The following SRP19 variants were observed in gnomAD, a reference collection of about 807,000 sequenced individuals.
SRP19 encodes signal recognition particle 19.
In SRP19, 11 loss-of-function variants were observed where a neutral mutation model predicts 22.4. The ratio of observed to expected loss-of-function variants is 0.49; its 90% CI spans 0.31 to 0.81. SRP19 has a LOEUF of 0.81. SRP19 is among the 40% of genes least tolerant of loss of function. The pLI is 0.05. For missense variants in SRP19, 168 were observed against 175.9 expected, an observed-to-expected ratio of 0.96 and a Z score of 0.25; for synonymous variants, 61 against 57.6, an observed-to-expected ratio of 1.06 and a Z score of -0.27.
chr5:112,895,037 G>C (rs1768636040), downstream of SRP19: 1 of 151,384 alleles, frequency 6.6e-6, no homozygotes, highest in African/African-American at 2.4e-5. Flanking sequence ...AGGAGTTCGA[G>C]ACCATCCTGG....
downstream of SRP19, chr5:112,895,242 A>AAAAAAAAAAAAAC: frequency 6.6e-6 from 1 of 150,486 alleles, no homozygotes; most frequent in Non-Finnish European, 1.5e-5. Context: ...TGTCTCAAAA[A>AAAAAAAAAAAAAC]AAAAAAAAAA....
At chr5:112,864,909 C>T (rs924829378) in intron 4 of SRP19, 177 bp downstream of exon 4, 10 of 432,614 alleles carry the variant, frequency 2.3e-5, no homozygotes, top group Non-Finnish European at 3.6e-5. Context: ...GGTGAATGAC[C>T]TCTTTGAAAA....
Position 112,867,555 on chromosome 5 carries a change from G to T in SRP19, c.*18G>T. 6.3e-7 allele frequency: 1 copy of T among 1,597,664 alleles called. No individual in the cohort carries two copies. Among genetic ancestry groups the T allele is most frequent in the South Asian group, 1.1e-5 (1 of 89,478 alleles). On this transcript the variant is annotated 3_prime_UTR_variant, in exon 5 of 5. Coordinates refer to ENST00000505459, the MANE Select transcript of SRP19 (RefSeq NM_003135.3). ...AGAAGTAACCTAGTATCAGCATCAA[G>T]TATGTGGTACTACTGTAAGAGACAT...
intron 4 of SRP19, among the ~76,000 whole-genome samples, chr5:112,879,924 CTA>C (rs557740679): frequency 6.6e-4 from 100 of 152,012 alleles, no homozygotes; most frequent in Middle Eastern, 3.4e-3. Flanking sequence ...CCCCCCACCT[CTA>C]TTTTAAAAAA....
chr5:112,862,898 T>G (rs1224997585), intron 2 of SRP19, among the ~76,000 whole-genome samples: 1 of 152,232 alleles, frequency 6.6e-6, no homozygotes, highest in Admixed American at 6.5e-5. Flanking sequence ...GAAATCAAAA[T>G]TATGACATTG....
chr5:112,870,845 C>A (rs1002555495), downstream of SRP19, among the ~76,000 whole-genome samples: 1 of 152,230 alleles, frequency 6.6e-6, no homozygotes, highest in East Asian at 1.9e-4. Context: ...ATACAGGTGC[C>A]ATGCTTTTGG....
At chr5:112,883,845 T>A (rs529402474) in intron 4 of SRP19, among the ~76,000 whole-genome samples, 1 of 151,948 alleles carries the variant, frequency 6.6e-6, no homozygotes, top group African/African-American at 2.4e-5. Flanking sequence ...TCAGTGGCAA[T>A]TTTATCCTTC....
rs1768273270 is a variant in SRP19 at position 112,887,063 on chromosome 5, C to A, written c.302-4540C>A. On this transcript the variant is annotated intron_variant, in intron 4 of 4. Transcript: ENST00000391338. ...GTCTCTTTGGCCTTGTCTTTAAGGT[C>A]CTTGACCACACTGTCCATCTGGGAC... 4 of 1,613,476 alleles carry A rather than the reference C, an allele frequency of 2.5e-6. No individual in the cohort carries two copies. Among genetic ancestry groups the A allele is most frequent in the Non-Finnish European group, 3.4e-6 (4 of 1,179,684 alleles).
intron 2 of SRP19, 34 bp from the exon 3 acceptor site, chr5:112,864,423 C>T: frequency 6.3e-7 from 1 of 1,575,008 alleles, no homozygotes; most frequent in African/African-American, 1.3e-5. Context: ...ACTTAAAGCA[C>T]ATATATTTAG....
intron 4 of SRP19, among the ~76,000 whole-genome samples, chr5:112,866,364 C>T (rs1257237647): frequency 6.6e-6 from 1 of 152,154 alleles, no homozygotes; most frequent in Non-Finnish European, 1.5e-5. Context: ...GATCCGCCCA[C>T]CTTGGCCTCC....
downstream of SRP19, among the ~76,000 whole-genome samples, chr5:112,870,958 T>G (rs1219235597): frequency 1.3e-5 from 2 of 152,170 alleles, no homozygotes; most frequent in Non-Finnish European, 2.9e-5. Flanking sequence ...TTTCAAGTGA[T>G]TCTCCTGCCT....
rs1462489797 is a variant in SRP19, at chr5:112,864,465, A to G, written c.126A>G (p.Glu42=). 1 of 1,613,452 alleles carries G rather than the reference A, an allele frequency of 6.2e-7. No individual in the cohort carries two copies. Among genetic ancestry groups the G allele is most frequent in the Non-Finnish European group, 8.5e-7 (1 of 1,179,964 alleles). ...TGTTTTTAACTGTTCAGGCTGTTGA[A>G]AATCCTACAGCTACAGAGATTCAAG... ...GRRIPISKAV[E]NPTATEIQDV... The change falls in exon 3 of 5, where the codon GAA becomes GAG. Residue 42 remains glutamate, a synonymous_variant. Coordinates refer to ENST00000505459, the MANE Select transcript of SRP19 (RefSeq NM_003135.3).
downstream of SRP19, among the ~76,000 whole-genome samples, chr5:112,870,477 A>G (rs1204051760): frequency 1.3e-5 from 2 of 151,064 alleles, no homozygotes; most frequent in Non-Finnish European, 3.0e-5. Flanking sequence ...CCCTGTCTCA[A>G]AAAAAAAAAC....
At position 112,888,409 on chromosome 5, in the gene SRP19, C is replaced by G. The variant is rs115587922; in HGVS notation, c.302-3194C>G. Among the ~76,000 whole-genome samples the G allele has an allele frequency of 3.6e-3, 550 of 152,176 alleles. 2 individuals are homozygous for G. The highest frequency in any genetic ancestry group is 0.012 in the African/African-American group (497 of 41,530). On this transcript the variant is annotated intron_variant, in intron 4 of 4. Transcript: ENST00000391338. The stretch of plus-strand genomic sequence containing the variant: ...TAACACTCAAAATAAAAAACAAAAC[C>G]CAAGTTCTCAACAATATCTCCAGAT...
intron 4 of SRP19, among the ~76,000 whole-genome samples, chr5:112,881,173 G>C (rs1186299571): frequency 1.3e-5 from 2 of 150,700 alleles, no homozygotes; most frequent in Non-Finnish European, 3.0e-5. Context: ...TAAAGTGGGA[G>C]GAGGTTAAGG....
Position 112,867,560 on chromosome 5 carries a change from T to G in SRP19, c.*23T>G. The G allele has an allele frequency of 1.3e-6, 2 of 1,587,760 alleles. No individual in the cohort carries two copies. The highest frequency in any genetic ancestry group is 1.7e-6 in the Non-Finnish European group (2 of 1,167,022). The stretch of plus-strand genomic sequence containing the variant: ...TAACCTAGTATCAGCATCAAGTATG[T>G]GGTACTACTGTAAGAGACATGAATG... On this transcript the variant is annotated 3_prime_UTR_variant, in exon 5 of 5. Transcript: ENST00000505459.
At chr5:112,886,474 T>C (rs1561648001) in intron 4 of SRP19, among the ~76,000 whole-genome samples, 1 of 152,168 alleles carries the variant, frequency 6.6e-6, no homozygotes, top group Non-Finnish European at 1.5e-5. Context: ...TTGTCTCTAG[T>C]TTTAGGTCCT....
downstream of SRP19, chr5:112,893,932 G>C (rs1208626003): frequency 2.0e-4 from 30 of 151,488 alleles, no homozygotes; most frequent in Admixed American, 2.0e-3. Flanking sequence ...CAGAGGTTCA[G>C]AACCTTGGTT....
intron 2 of SRP19, among the ~76,000 whole-genome samples, chr5:112,864,143 G>A (rs1767506217): frequency 6.6e-6 from 1 of 152,168 alleles, no homozygotes; most frequent in Non-Finnish European, 1.5e-5. Context: ...AATTGTTTAA[G>A]CAGTCAATAA....
Sources: allele counts gnomAD v4.1 joint callset (sites outside exome capture counted in the v4.1 genomes callset), GRCh38; gene constraint gnomAD v4.1.1; transcripts MANE v1.5; gene names NCBI Gene and HGNC (gene_info 2026-07-23, HGNC 2026-07-21).